The following PPFIA2 variants were observed in gnomAD, a reference collection of about 807,000 sequenced individuals.
The protein encoded by PPFIA2 is liprin-alpha-2.
PPFIA2 carries 46 observed loss-of-function variants against 175.5 expected under a neutral mutation model. The observed-to-expected ratio is 0.26, with a 90% confidence interval of 0.21 to 0.34. PPFIA2 has a LOEUF of 0.34. Among genes scored for constraint, PPFIA2 ranks in the 10% least tolerant of loss-of-function variants. The pLI is 1.00. For synonymous variants in PPFIA2, 568 were observed against 511.4 expected (o/e 1.11, Z -1.49); for missense variants, 1,179 against 1,506.1 (o/e 0.78, Z 3.60).
intron 4 of PPFIA2, among the ~76,000 whole-genome samples, chr12:81,458,423 G>T (rs1037380239): frequency 6.6e-6 from 1 of 151,182 alleles, no homozygotes; most frequent in Non-Finnish European, 1.5e-5. Context: ...ATTAATTTGC[G>T]TATTGCTCAG....
intron 4 of PPFIA2, among the ~76,000 whole-genome samples, chr12:81,572,289 G>C (rs1156689085): frequency 1.3e-5 from 2 of 151,890 alleles, no homozygotes; most frequent in Non-Finnish European, 2.9e-5. Flanking sequence ...TTCTCAGTAA[G>C]CCTTCCTTGG....
rs1390601038 is a variant in PPFIA2 at position 81,630,124 on chromosome 12, T to C, written c.303+46667A>G. Among the ~76,000 whole-genome samples, 4 of 152,174 alleles carry C rather than the reference T, an allele frequency of 2.6e-5. No individual in the cohort carries two copies. The East Asian group carries it at 7.7e-4, about 29-fold the overall frequency. On this transcript the variant is annotated intron_variant, in intron 4 of 32. Transcript: ENST00000549396. ...CAGTTGGAAAAGGCAAACAAGTAGA[T>C]TCTTCCTTAGAGTCTCCAGTGGAAC...
rs148910324 is a variant in PPFIA2, at chr12:81,719,453, C to G, written c.249+34520G>C. Among the ~76,000 whole-genome samples, 33 of 151,630 alleles carry G rather than the reference C, an allele frequency of 2.2e-4. No individual in the cohort carries two copies. The East Asian group carries it at 6.4e-3, about 30-fold the overall frequency. ...TGATTCTTTGCTATTAAAAAGTTCT[C>G]TGGGGTGATGATTACCCCTGACGGA... On this transcript the variant is annotated intron_variant, in intron 3 of 32. Coordinates refer to ENST00000549396, the MANE Select transcript of PPFIA2 (RefSeq NM_003625.5).
chr12:81,530,960 T>G (rs1263714430), intron 4 of PPFIA2, among the ~76,000 whole-genome samples: 1 of 151,906 alleles, frequency 6.6e-6, no homozygotes, highest in Non-Finnish European at 1.5e-5. Context: ...TTAAGAAAAC[T>G]CAGATTTCAA....
At chr12:81,425,818 A>G (rs1270800101) in intron 7 of PPFIA2, among the ~76,000 whole-genome samples, 1 of 152,194 alleles carries the variant, frequency 6.6e-6, no homozygotes, top group Non-Finnish European at 1.5e-5. Flanking sequence ...ACTGTTTTCT[A>G]CATGAAAAAT....
At chr12:81,514,519 T>C (rs2062170146) in intron 4 of PPFIA2, among the ~76,000 whole-genome samples, 1 of 151,908 alleles carries the variant, frequency 6.6e-6, no homozygotes, top group Admixed American at 6.6e-5. Flanking sequence ...AAAATTAGGA[T>C]TTTCATACAT....
At chr12:81,669,588 T>C (rs1458952532) in intron 4 of PPFIA2, among the ~76,000 whole-genome samples, 2 of 151,838 alleles carry the variant, frequency 1.3e-5, no homozygotes, top group Non-Finnish European at 2.9e-5. Flanking sequence ...TCTGTTAAAG[T>C]GACAATAAAA....
At chr12:81,713,045 A>G (rs17747073) in intron 3 of PPFIA2, among the ~76,000 whole-genome samples, 5,779 of 151,350 alleles carry the variant, frequency 0.038, 183 homozygotes, top group Middle Eastern at 0.068. Flanking sequence ...CTTTGCTCAT[A>G]ATACAATTAA....
At chr12:81,347,877 C>A in intron 17 of PPFIA2, 107 bp from the exon 18 acceptor site, 1 of 1,419,940 alleles carries the variant, frequency 7.0e-7, no homozygotes. Flanking sequence ...AGAAACTATT[C>A]TTGAACATTT....
chr12:81,427,262 C>T (rs207473163), intron 7 of PPFIA2, among the ~76,000 whole-genome samples: 1 of 152,088 alleles, frequency 6.6e-6, no homozygotes, highest in Non-Finnish European at 1.5e-5. Context: ...GAAAGTCAGA[C>T]ATCTTGGATT....
chr12:81,745,082 T>C (rs923405557), intron 3 of PPFIA2, among the ~76,000 whole-genome samples: 3 of 152,232 alleles, frequency 2.0e-5, no homozygotes, highest in Non-Finnish European at 4.4e-5. Flanking sequence ...GAAATTAATA[T>C]GAAACAAAAT....
At chr12:81,445,223 G>GGGGGAGA (rs2051029106) in intron 6 of PPFIA2, among the ~76,000 whole-genome samples, 2 of 62,774 alleles carry the variant, frequency 3.2e-5, no homozygotes, top group African/African-American at 8.1e-5. Flanking sequence ...GGGGGAGGGG[G>GGGGGAGA]GAGAGAGAGA....
At chr12:81,363,901 C>T (rs760926261) in intron 14 of PPFIA2, among the ~76,000 whole-genome samples, 13 of 151,824 alleles carry the variant, frequency 8.6e-5, no homozygotes, top group Admixed American at 2.6e-4. Context: ...CACAAAAGTG[C>T]GCTGAGTACC....
chr12:81,566,530 CAAAAAAAAAA>C (rs3075452), intron 4 of PPFIA2, among the ~76,000 whole-genome samples: 2 of 68,456 alleles, frequency 2.9e-5, no homozygotes, highest in African/African-American at 5.5e-5. Flanking sequence ...GACTCCAACT[CAAAAAAAAAA>C]AAAAAAAAAA....
chr12:81,512,137 T>C (rs909031464), intron 4 of PPFIA2: 8 of 305,732 alleles, frequency 2.6e-5, no homozygotes, highest in African/African-American at 1.6e-4. Flanking sequence ...TTTTTTTCTG[T>C]AGTGTCCGTC....
intron 4 of PPFIA2, among the ~76,000 whole-genome samples, chr12:81,533,401 C>A (rs567465320): frequency 6.6e-5 from 10 of 151,390 alleles, no homozygotes; most frequent in Admixed American, 2.6e-4. Flanking sequence ...TTATCCTATT[C>A]TTTAGGCCTA....
rs1227813399 is a variant in PPFIA2 at position 81,457,036 on chromosome 12, C to T, written c.405+729G>A. 4.0e-5 allele frequency among the ~76,000 whole-genome samples: 6 copies of T among 151,044 alleles called. No individual in the cohort carries two copies. In the East Asian group the frequency reaches 7.7e-4, roughly 19 times the overall value. ...TTATTATTTTTTTGAGACAGAGTCT[C>T]ACTCTGTTGCCCAGGCTGGACTGTG... On this transcript the variant is annotated intron_variant, in intron 5 of 32. Coordinates refer to ENST00000549396, the MANE Select transcript of PPFIA2 (RefSeq NM_003625.5).
chr12:81,349,636 AT>A (rs55736567), intron 17 of PPFIA2, among the ~76,000 whole-genome samples: 39,247 of 151,992 alleles, frequency 0.26, 7,246 homozygotes, highest in African/African-American at 0.5. Flanking sequence ...ACTCCTAGAA[AT>A]TTTTTTCTGG....
At chr12:81,647,034 T>C (rs577519246) in intron 4 of PPFIA2, among the ~76,000 whole-genome samples, 3 of 139,966 alleles carry the variant, frequency 2.1e-5, no homozygotes, top group South Asian at 4.9e-4. Flanking sequence ...TTAAAAATTA[T>C]GGATAATTTG....
Sources: gnomAD v4.1 joint callset for allele counts (sites outside exome capture counted in the v4.1 genomes callset) on GRCh38, gnomAD v4.1.1 for gene constraint, MANE v1.5 for transcripts, NCBI Gene and HGNC (gene_info 2026-07-23, HGNC 2026-07-21) for gene names.